CAMTA1: variants seen among roughly 807,000 people sequenced by gnomAD.
CAMTA1 encodes the protein calmodulin-binding transcription activator 1.
In CAMTA1, 27 loss-of-function variants were observed where a neutral mutation model predicts 170.9. The ratio of observed to expected loss-of-function variants is 0.16; its 90% CI spans 0.12 to 0.22. The LOEUF is 0.22. Among genes scored for constraint, CAMTA1 ranks in the 10% least tolerant of loss-of-function variants. The pLI is 1.00. For synonymous variants in CAMTA1, 833 were observed against 891.5 expected, an observed-to-expected ratio of 0.93 and a Z score of 1.17; for missense variants, 1,619 against 2,217.2, an observed-to-expected ratio of 0.73 and a Z score of 5.42.
intron 3 of CAMTA1, among the ~76,000 whole-genome samples, chr1:7,035,130 G>A (rs75561986): frequency 0.028 from 4,192 of 152,168 alleles, 200 homozygotes; most frequent in African/African-American, 0.094. Flanking sequence ...GGCTGGAGGC[G>A]GTGGCTCATA....
intron 4 of CAMTA1, among the ~76,000 whole-genome samples, chr1:7,176,178 C>T (rs1308890858): frequency 2.6e-5 from 4 of 152,218 alleles, no homozygotes; most frequent in East Asian, 1.9e-4. Context: ...GATGAGCTGC[C>T]CCTGCTGCAT....
At chr1:7,287,574 CCTTCTTCTT>C (rs918222458) in intron 5 of CAMTA1, among the ~76,000 whole-genome samples, 1 of 151,768 alleles carries the variant, frequency 6.6e-6, no homozygotes, top group East Asian at 1.9e-4. Context: ...CAAGCCCTTT[CCTTCTTCTT>C]CTTCTTCTTC....
chr1:7,181,204 G>GAT (rs1407938302), intron 4 of CAMTA1, among the ~76,000 whole-genome samples: 1 of 152,110 alleles, frequency 6.6e-6, no homozygotes, highest in Non-Finnish European at 1.5e-5. Context: ...ATGCATTCCT[G>GAT]ATATATCATT....
At chr1:7,073,426 G>A (rs147883294) in intron 3 of CAMTA1, among the ~76,000 whole-genome samples, 9 of 152,256 alleles carry the variant, frequency 5.9e-5, no homozygotes, top group African/African-American at 4.8e-5. Context: ...CAGAGATGAC[G>A]TTTAAAGTTC....
chr1:7,099,143 G>A (rs1023558765), intron 4 of CAMTA1, among the ~76,000 whole-genome samples: 1 of 151,992 alleles, frequency 6.6e-6, no homozygotes, highest in Non-Finnish European at 1.5e-5. Context: ...CCACCTCCCA[G>A]GTTCAAGTGG....
At chr1:7,752,765 G>T (rs572382719) in intron 21 of CAMTA1, among the ~76,000 whole-genome samples, 30 of 152,292 alleles carry the variant, frequency 2.0e-4, no homozygotes, top group African/African-American at 6.7e-4. Flanking sequence ...ATTCATGCCC[G>T]TGTTTTTCTG....
In CAMTA1 at chr1:7,461,604, C is replaced by T. The variant is rs1310406097; in HGVS notation, c.439-6226C>T. On this transcript the variant is annotated intron_variant, in intron 5 of 22. Transcript: ENST00000303635. ...ACCTGTTGAGCAATGCCAAGGATGTCTTTTCCAGTGATCCATGAAATTAGA... is the reference window on the plus strand; with the variant it reads ...ACCTGTTGAGCAATGCCAAGGATGTTTTTTCCAGTGATCCATGAAATTAGA... Among the ~76,000 whole-genome samples, 8 of 152,372 alleles carry T rather than the reference C, an allele frequency of 5.3e-5. No individual in the cohort carries two copies. The East Asian group carries it at 1.5e-3, about 29-fold the overall frequency.
intron 6 of CAMTA1, among the ~76,000 whole-genome samples, chr1:7,484,602 A>G (rs1457481198): frequency 6.6e-6 from 1 of 152,148 alleles, no homozygotes; most frequent in Non-Finnish European, 1.5e-5. Context: ...ATCCTGGCTA[A>G]CACGGTGAAA....
At chr1:6,963,397 C>A (rs966233806) in intron 3 of CAMTA1, among the ~76,000 whole-genome samples, 1 of 151,344 alleles carries the variant, frequency 6.6e-6, no homozygotes, top group Admixed American at 6.6e-5. Flanking sequence ...TCGGGCCCCA[C>A]CCTGTTTTCC....
At chr1:6,994,746 C>A (rs1010177136) in intron 3 of CAMTA1, among the ~76,000 whole-genome samples, 3 of 152,104 alleles carry the variant, frequency 2.0e-5, no homozygotes, top group Non-Finnish European at 4.4e-5. Flanking sequence ...CGGCTCACAG[C>A]AACCTCCACC....
chr1:7,350,115 C>T (rs961319329), intron 5 of CAMTA1, among the ~76,000 whole-genome samples: 6 of 152,294 alleles, frequency 3.9e-5, no homozygotes, highest in Admixed American at 1.3e-4. Context: ...CCCAGCCTCC[C>T]GAGAGGGGTG....
intron 3 of CAMTA1, among the ~76,000 whole-genome samples, chr1:7,027,404 AG>A (rs964861579): frequency 1.3e-5 from 2 of 152,214 alleles, no homozygotes; most frequent in African/African-American, 4.8e-5. Flanking sequence ...ACCTGGGGGA[AG>A]GGACAAGTTG....
chr1:6,953,658 T>C (rs986052111), intron 3 of CAMTA1, among the ~76,000 whole-genome samples: 3 of 152,270 alleles, frequency 2.0e-5, no homozygotes, highest in Non-Finnish European at 4.4e-5. Context: ...TGGCTTTGAT[T>C]GAGGGACTCT....
intron 4 of CAMTA1, among the ~76,000 whole-genome samples, chr1:7,125,755 C>G (rs1023356308): frequency 6.6e-6 from 1 of 152,144 alleles, no homozygotes; most frequent in African/African-American, 2.4e-5. Context: ...GAACAGGCCC[C>G]TGAGGGCCTC....
At chr1:7,292,102 A>G (rs986111218) in intron 5 of CAMTA1, among the ~76,000 whole-genome samples, 3 of 152,174 alleles carry the variant, frequency 2.0e-5, no homozygotes, top group Non-Finnish European at 2.9e-5. Context: ...CCATTTATAG[A>G]AACCAAATCA....
chr1:7,409,581 G>A (rs920005107), intron 5 of CAMTA1, among the ~76,000 whole-genome samples: 1 of 152,140 alleles, frequency 6.6e-6, no homozygotes, highest in Non-Finnish European at 1.5e-5. Flanking sequence ...ACTATCACCT[G>A]TCCCAGGTTT....
At chr1:6,958,151 C>A (rs1461674996) in intron 3 of CAMTA1, among the ~76,000 whole-genome samples, 1 of 152,202 alleles carries the variant, frequency 6.6e-6, no homozygotes, top group Non-Finnish European at 1.5e-5. Flanking sequence ...GCACCCTTTC[C>A]TTCCTGGAGA....
intron 4 of CAMTA1, among the ~76,000 whole-genome samples, chr1:7,190,509 G>A (rs560197215): frequency 6.6e-6 from 1 of 152,180 alleles, no homozygotes; most frequent in African/African-American, 2.4e-5. Flanking sequence ...AGAAAGCTCT[G>A]GAAAAATAGG....
At chr1:7,197,583 T>C (rs1489972840) in intron 4 of CAMTA1, among the ~76,000 whole-genome samples, 1 of 148,888 alleles carries the variant, frequency 6.7e-6, no homozygotes, top group African/African-American at 2.5e-5. Flanking sequence ...TCTTGGGAGA[T>C]GTGAAGAGAG....
Sources: gnomAD v4.1 joint callset for allele counts (sites outside exome capture counted in the v4.1 genomes callset) on GRCh38, gnomAD v4.1.1 for gene constraint, MANE v1.5 for transcripts, NCBI Gene and HGNC (gene_info 2026-07-23, HGNC 2026-07-21) for gene names.